The following APPL2 variants were observed in gnomAD, a reference collection of about 807,000 sequenced individuals.
APPL2 encodes the protein adaptor protein, phosphotyrosine interacting with PH domain and leucine zipper 2.
In APPL2, 84 loss-of-function variants were observed where a neutral mutation model predicts 92.7. The observed-to-expected ratio is 0.91, with a 90% CI of 0.76 to 1.09. The LOEUF (loss-of-function observed/expected upper bound fraction) is 1.09, where lower values mean the gene tolerates loss of function less well. Among genes scored for constraint, APPL2 ranks in the 50% least tolerant of loss-of-function variants. The pLI is 0.00. For missense variants in APPL2, 736 were observed against 824.5 expected, an observed-to-expected ratio of 0.89 and a Z score of 1.31; for synonymous variants, 291 against 291.0, an observed-to-expected ratio of 1.00 and a Z score of 0.00.
chr12:105,180,664 C>T (rs1013382330), intron 17 of APPL2, among the ~76,000 whole-genome samples: 1 of 152,146 alleles, frequency 6.6e-6, no homozygotes, highest in Non-Finnish European at 1.5e-5. Context: ...TGTAGTTCTC[C>T]TTGAAGAGGT....
intron 1 of APPL2, among the ~76,000 whole-genome samples, chr12:105,230,308 G>C (rs762155677): frequency 3.4e-4 from 52 of 152,108 alleles, no homozygotes; most frequent in Non-Finnish European, 5.9e-4. Context: ...ACGGTGCTCA[G>C]AACACAAAAA....
intron 17 of APPL2, among the ~76,000 whole-genome samples, chr12:105,181,823 T>A (rs1222772722): frequency 6.6e-6 from 1 of 152,322 alleles, no homozygotes; most frequent in East Asian, 1.9e-4. Flanking sequence ...CTTTATCATT[T>A]TTTATTGTGT....
chr12:105,236,157 C>A lies in APPL2; in HGVS notation c.-145G>T. On this transcript the variant is annotated 5_prime_UTR_variant, in exon 1 of 21. Coordinates refer to ENST00000258530, the MANE Select transcript of APPL2 (RefSeq NM_018171.5). Reference sequence around the variant, plus strand: ...GGCCCCGCGCGCGTCCACGCCTGGCCAGTGGCCGCCGCCGCCTGCCCGCCG... The same window carrying A: ...GGCCCCGCGCGCGTCCACGCCTGGCAAGTGGCCGCCGCCGCCTGCCCGCCG... The A allele has an allele frequency of 2.7e-6, 1 of 365,698 alleles. No individual in the cohort carries two copies. Among genetic ancestry groups the A allele is most frequent in the South Asian group, 1.1e-4 (1 of 8,814 alleles). 22.7% of individuals were successfully genotyped at this position (365,698 alleles called of 1,614,324 possible).
chr12:105,217,196 C>T (rs181020974), intron 3 of APPL2, 56 bp from the exon 4 acceptor site: 118 of 1,212,140 alleles, frequency 9.7e-5, no homozygotes, highest in East Asian at 7.8e-4. Flanking sequence ...GAATTCAGCA[C>T]GAAGCATCAC....
At chr12:105,175,175 T>C (rs1196866) in intron 20 of APPL2, among the ~76,000 whole-genome samples, 56,269 of 152,102 alleles carry the variant, frequency 0.37, 11,280 homozygotes, top group Middle Eastern at 0.54. Context: ...TAAGCCACCA[T>C]GCCTGGCCTG....
In APPL2 at chr12:105,207,053, T is replaced by C; in HGVS notation, c.621+8A>G. On this transcript the variant is annotated splice_region_variant and intron_variant, in intron 8 of 20. Transcript: ENST00000258530. ...TAGGTTTCAGCCCTCAGGGAGGGAC[T>C]CCCCTACCTGTCCATGGGCAAAGCC... 6.2e-7 allele frequency: 1 copy of C among 1,610,864 alleles called. No individual in the cohort carries two copies. Among genetic ancestry groups the C allele is most frequent in the Non-Finnish European group, 8.5e-7 (1 of 1,179,092 alleles).
intron 20 of APPL2, among the ~76,000 whole-genome samples, chr12:105,174,876 T>TGGGGGGGGG (rs59473626): frequency 2.2e-5 from 2 of 89,020 alleles, no homozygotes. Flanking sequence ...TTTTTTTTGG[T>TGGGGGGGGG]GGGGGGGGGG....
At chr12:105,184,234 T>G (rs1215953297) in intron 17 of APPL2, among the ~76,000 whole-genome samples, 2 of 152,206 alleles carry the variant, frequency 1.3e-5, no homozygotes, top group Non-Finnish European at 2.9e-5. Flanking sequence ...AGTTTGTTAT[T>G]ACTCACCTTC....
At chr12:105,197,975 G>A in intron 10 of APPL2, 22 bp from the exon 11 acceptor site, 1 of 1,610,056 alleles carries the variant, frequency 6.2e-7, no homozygotes, top group Non-Finnish European at 8.5e-7. Context: ...GTTTTAAAAA[G>A]CCCATTAGTA....
chr12:105,210,542 G>C (rs964131117), intron 5 of APPL2, among the ~76,000 whole-genome samples: 1 of 152,108 alleles, frequency 6.6e-6, no homozygotes, highest in African/African-American at 2.4e-5. Context: ...GTTTTTTCAA[G>C]ATTATTCACG....
Position 105,215,657 on chromosome 12 carries a change from G to C in APPL2, c.285+1412C>G, listed in dbSNP as rs182700737. On this transcript the variant is annotated intron_variant, in intron 4 of 20. Coordinates refer to ENST00000258530, the MANE Select transcript of APPL2 (RefSeq NM_018171.5). ...TAAACTGAAGACAGTATCTACTGCA[G>C]ATCAATAACTGGTCAGTTAAATGGC... Among the ~76,000 whole-genome samples the C allele has an allele frequency of 1.7e-3, 261 of 152,298 alleles. 3 individuals are homozygous for C. Among genetic ancestry groups the C allele is most frequent in the African/African-American group, 6.2e-3 (258 of 41,568 alleles).
intron 14 of APPL2, among the ~76,000 whole-genome samples, chr12:105,194,782 TA>T (rs36104130): frequency 0.015 from 2,150 of 144,348 alleles, 21 homozygotes; most frequent in East Asian, 0.052. Flanking sequence ...TAGAAATAGT[TA>T]AAAAAAAAAA....
At chr12:105,203,613 C>G in intron 9 of APPL2, 90 bp downstream of exon 9, 1 of 1,238,312 alleles carries the variant, frequency 8.1e-7, no homozygotes. Flanking sequence ...CGACCCTCCA[C>G]AGTTAGAACC....
chr12:105,203,619 G>T, intron 9 of APPL2, 84 bp downstream of exon 9: 1 of 1,318,104 alleles, frequency 7.6e-7, no homozygotes, highest in Non-Finnish European at 1.1e-6. Flanking sequence ...TCCACAGTTA[G>T]AACCCTCCCC....
At chr12:105,223,140 G>A (rs1890236211) in intron 2 of APPL2, among the ~76,000 whole-genome samples, 1 of 152,218 alleles carries the variant, frequency 6.6e-6, no homozygotes, top group Non-Finnish European at 1.5e-5. Context: ...AGATGAGGAG[G>A]TGACGGGAAG....
chr12:105,188,996 A>T (rs148192067), intron 16 of APPL2, among the ~76,000 whole-genome samples: 480 of 152,278 alleles, frequency 3.2e-3, no homozygotes, highest in Non-Finnish European at 5.4e-3. Flanking sequence ...AGCAACCATA[A>T]CTAGAAGACC....
chr12:105,184,100 A>G (rs1468523333), intron 17 of APPL2, among the ~76,000 whole-genome samples: 1 of 152,074 alleles, frequency 6.6e-6, no homozygotes, highest in Non-Finnish European at 1.5e-5. Context: ...TGTGTTTTTC[A>G]TCTCCATCAG....
intron 17 of APPL2, among the ~76,000 whole-genome samples, chr12:105,178,952 G>T (rs1885825556): frequency 6.6e-6 from 1 of 152,108 alleles, no homozygotes; most frequent in Admixed American, 6.6e-5. Context: ...GTCACTTTCA[G>T]AAGTTTGCTG....
At chr12:105,215,386 G>C (rs1889598082) in intron 4 of APPL2, among the ~76,000 whole-genome samples, 1 of 152,188 alleles carries the variant, frequency 6.6e-6, no homozygotes, top group Non-Finnish European at 1.5e-5. Context: ...AGTGTGCTGA[G>C]TGCTGAAAGT....
Sources: allele counts gnomAD v4.1 joint callset (sites outside exome capture counted in the v4.1 genomes callset), GRCh38; gene constraint gnomAD v4.1.1; transcripts MANE v1.5; gene names NCBI Gene and HGNC (gene_info 2026-07-23, HGNC 2026-07-21).